Variants in PCDHA12 observed in about 807,000 individuals in gnomAD.
PCDHA12 encodes protocadherin alpha 12.
PCDHA12 carries 44 observed loss-of-function variants against 60.0 expected under a neutral mutation model. The observed-to-expected ratio is 0.73, with a 90% CI of 0.58 to 0.94. PCDHA12 has a LOEUF of 0.94. Ranked by LOEUF, PCDHA12 falls within the 40% of genes least tolerant of loss-of-function variation. The pLI is 0.00. For synonymous variants in PCDHA12, 569 were observed against 553.0 expected, an observed-to-expected ratio of 1.03 and a Z score of -0.40; for missense variants, 1,276 against 1,239.7, an observed-to-expected ratio of 1.03 and a Z score of -0.44.
intron 1 of PCDHA12, among the ~76,000 whole-genome samples, chr5:140,879,152 A>C (rs1369330748): frequency 6.6e-6 from 1 of 152,210 alleles, no homozygotes; most frequent in African/African-American, 2.4e-5. Context: ...CAGGAAAGCT[A>C]TTTCTTTTTT....
intron 3 of PCDHA12, among the ~76,000 whole-genome samples, chr5:140,990,610 C>T (rs781969043): frequency 4.6e-5 from 7 of 152,080 alleles, no homozygotes; most frequent in African/African-American, 9.7e-5. Flanking sequence ...AGATGAATAC[C>T]GTAAAGGTCT....
chr5:140,938,926 T>C (rs149516801), intron 1 of PCDHA12, among the ~76,000 whole-genome samples: 9 of 152,172 alleles, frequency 5.9e-5, no homozygotes, highest in Non-Finnish European at 1.2e-4. Context: ...AGAAATTGGC[T>C]TTTAACTTTC....
intron 1 of PCDHA12, among the ~76,000 whole-genome samples, chr5:140,925,841 C>CT (rs1451775258): frequency 1.3e-5 from 2 of 152,066 alleles, no homozygotes; most frequent in African/African-American, 4.8e-5. Flanking sequence ...GTCGTCAAGT[C>CT]TTTGAGTTTC....
chr5:140,920,456 T>C (rs2079640226), intron 1 of PCDHA12, among the ~76,000 whole-genome samples: 1 of 152,192 alleles, frequency 6.6e-6, no homozygotes, highest in African/African-American at 2.4e-5. Flanking sequence ...AATTGACAAA[T>C]TTGTTATATT....
At chr5:141,000,391 CTCTCTA>C (rs1434799221) in intron 3 of PCDHA12, among the ~76,000 whole-genome samples, 1,083 of 55,870 alleles carry the variant, frequency 0.019, 5 homozygotes, top group Non-Finnish European at 0.023. Context: ...CTCTCTCTCT[CTCTCTA>C]TATATATATA....
chr5:140,955,641 A>G (rs173471), intron 1 of PCDHA12, among the ~76,000 whole-genome samples: 85,644 of 151,978 alleles, frequency 0.56, 24,753 homozygotes, highest in African/African-American at 0.69. Flanking sequence ...TGTGAGAACA[A>G]ATTAATACAC....
rs2098414068 is a variant in PCDHA12 at position 141,009,729 on chromosome 5, G to T, written c.2618G>T (p.Gly873Val). The T allele has an allele frequency of 6.2e-7, 1 of 1,614,168 alleles. No homozygotes were observed. The highest frequency in any genetic ancestry group is 8.5e-7 in the Non-Finnish European group (1 of 1,180,028). ...GGCAACCCCAAACAATCCGGTCCCG[G>T]TGAGTTGCCCGACAAATTCATTATC... is the stretch of plus-strand genomic sequence containing the variant. ...GPGNPKQSGPGELPDKFIIPG... is the reference protein window; with the variant it reads ...GPGNPKQSGPVELPDKFIIPG... Residue 873 changes from glycine (G) to valine (V), a missense_variant, in exon 4 of 4, where the codon GGT becomes GTT. Transcript: ENST00000398631.
At chr5:140,896,087 A>T (rs2065366348) in intron 1 of PCDHA12, among the ~76,000 whole-genome samples, 1 of 152,218 alleles carries the variant, frequency 6.6e-6, no homozygotes, top group East Asian at 1.9e-4. Flanking sequence ...CTGGGATTAC[A>T]GGCGTGAGCC....
chr5:140,887,537 C>T (rs530539711), intron 1 of PCDHA12, among the ~76,000 whole-genome samples: 5 of 152,250 alleles, frequency 3.3e-5, no homozygotes, highest in Admixed American at 1.3e-4. Context: ...TTCCTCTCCC[C>T]ACCCCTCATG....
At chr5:140,885,119 TTTTC>T (rs1425065169) in intron 1 of PCDHA12, among the ~76,000 whole-genome samples, 2 of 152,334 alleles carry the variant, frequency 1.3e-5, no homozygotes, top group East Asian at 3.9e-4. Context: ...TTAAGTGCAC[TTTTC>T]TTTCTTTCTT....
intron 1 of PCDHA12, chr5:140,968,562 C>G: frequency 6.2e-7 from 1 of 1,614,208 alleles, no homozygotes; most frequent in South Asian, 1.1e-5. Flanking sequence ...CGAACTGCCC[C>G]TGCTGGCTAC....
Position 140,876,041 on chromosome 5 carries a change from T to A in PCDHA12, c.569T>A (p.Ile190Lys), listed in dbSNP as rs1554168219. The A allele has an allele frequency of 1.9e-6, 3 of 1,613,848 alleles. No homozygotes were observed. Among genetic ancestry groups the A allele is most frequent in the South Asian group, 2.2e-5 (2 of 91,072 alleles). Residue 190 changes from isoleucine (I) to lysine (K), a missense_variant, in exon 1 of 4, where the codon ATA (isoleucine) becomes AAA (lysine). Physicochemically the swap from Ile to Lys is moderately radical, Grantham distance 102. Transcript: ENST00000398631. Reference protein sequence around the residue: ...LKIKTKKDKSILPELVLRKLL... With the variant: ...LKIKTKKDKSKLPELVLRKLL... ...ATAAAAACAAAAAAAGATAAAAGTATATTGCCTGAATTAGTTCTTCGGAAG... is the reference window on the plus strand; with the variant it reads ...ATAAAAACAAAAAAAGATAAAAGTAAATTGCCTGAATTAGTTCTTCGGAAG...
intron 1 of PCDHA12, among the ~76,000 whole-genome samples, chr5:140,948,438 G>A (rs2094254732): frequency 6.6e-6 from 1 of 151,474 alleles, no homozygotes; most frequent in South Asian, 2.1e-4. Context: ...GAAACATTCT[G>A]TGCCAGGGAT....
At chr5:140,909,812 A>T (rs1353892202) in intron 1 of PCDHA12, among the ~76,000 whole-genome samples, 1 of 151,982 alleles carries the variant, frequency 6.6e-6, no homozygotes, top group Non-Finnish European at 1.5e-5. Context: ...AAAACTCCAT[A>T]AGCCCCTACT....
intron 1 of PCDHA12, among the ~76,000 whole-genome samples, chr5:140,920,012 G>A (rs531392984): frequency 2.6e-5 from 4 of 152,314 alleles, no homozygotes; most frequent in East Asian, 1.9e-4. Context: ...AAGGCCATGC[G>A]AAGATGGAGA....
intron 3 of PCDHA12, 116 bp from the exon 4 acceptor site, chr5:141,009,511 G>A (rs2098410295): frequency 2.7e-5 from 41 of 1,498,054 alleles, no homozygotes; most frequent in Admixed American, 9.3e-5. Context: ...CAAACAACTC[G>A]TGATTTTTCT....
At position 140,995,103 on chromosome 5, in the gene PCDHA12, C is replaced by T. The variant is rs535399594; in HGVS notation, c.2515+12540C>T. Reference sequence around the variant, plus strand: ...CAAACTTATCTGTGGAGATACATTCCAAGACCCTCAGTGGATGCCTGAAAC... The same window carrying T: ...CAAACTTATCTGTGGAGATACATTCTAAGACCCTCAGTGGATGCCTGAAAC... On this transcript the variant is annotated intron_variant, in intron 3 of 3. Coordinates refer to ENST00000398631, the MANE Select transcript of PCDHA12 (RefSeq NM_018903.4). 1.1e-4 allele frequency among the ~76,000 whole-genome samples: 16 copies of T among 152,290 alleles called. No individual in the cohort carries two copies. In the South Asian group the frequency reaches 2.9e-3, roughly 28 times the overall value.
At chr5:140,886,254 CTATT>C (rs1407308299) in intron 1 of PCDHA12, among the ~76,000 whole-genome samples, 1 of 151,720 alleles carries the variant, frequency 6.6e-6, no homozygotes, top group African/African-American at 2.4e-5. Context: ...AAAAGTATCT[CTATT>C]TATAGATAAA....
At chr5:140,995,203 T>G (rs2097669345) in intron 3 of PCDHA12, among the ~76,000 whole-genome samples, 2 of 152,180 alleles carry the variant, frequency 1.3e-5, no homozygotes, top group African/African-American at 2.4e-5. Flanking sequence ...ATTTATAAAT[T>G]AGGCACAATA....
Sources: allele counts gnomAD v4.1 joint callset (sites outside exome capture counted in the v4.1 genomes callset), GRCh38; gene constraint gnomAD v4.1.1; transcripts MANE v1.5; gene names NCBI Gene and HGNC (gene_info 2026-07-23, HGNC 2026-07-21).